The following COMMD1 variants were observed in gnomAD, a reference collection of about 807,000 sequenced individuals.
COMMD1 encodes copper metabolism domain containing 1.
Under a neutral mutation model 17.2 loss-of-function variants are expected in COMMD1, and 10 were observed. That is an observed-to-expected ratio of 0.58 (90% CI 0.36 to 0.99). The LOEUF is 0.99. COMMD1 is among the 50% of genes least tolerant of loss of function. COMMD1 has a pLI of 0.01. For synonymous variants in COMMD1, 97 were observed against 91.6 expected (o/e 1.06, Z -0.34); for missense variants, 270 against 231.8 (o/e 1.17, Z -1.07).
At chr2:62,116,101 C>G (rs1213094197) in intron 2 of COMMD1, among the ~76,000 whole-genome samples, 1 of 152,062 alleles carries the variant, frequency 6.6e-6, no homozygotes, top group African/African-American at 2.4e-5. Context: ...TCTGCCTTGG[C>G]CTTCCACAGT....
In COMMD1 at chr2:62,124,066, A is replaced by G. The variant is rs544591885; in HGVS notation, c.463-11765A>G. ...TGTAATCCCAGCACTTTGGGAGGCC[A>G]AGGTGGGCAGATCACAAGGTCAGGA... On this transcript the variant is annotated intron_variant, in intron 2 of 2. Coordinates refer to ENST00000311832, the MANE Select transcript of COMMD1 (RefSeq NM_152516.4). Among the ~76,000 whole-genome samples the G allele has an allele frequency of 2.7e-3, 418 of 152,256 alleles. 1 individual carries two copies. The highest frequency in any genetic ancestry group is 9.8e-3 in the African/African-American group (406 of 41,528).
intron 2 of COMMD1, among the ~76,000 whole-genome samples, chr2:62,102,591 C>T (rs1469962839): frequency 6.6e-6 from 1 of 152,082 alleles, no homozygotes; most frequent in African/African-American, 2.4e-5. Context: ...ACCTTCTGCC[C>T]CCTGCTCTCC....
intron 2 of COMMD1, among the ~76,000 whole-genome samples, chr2:62,065,202 T>C (rs1434261507): frequency 6.6e-6 from 1 of 152,074 alleles, no homozygotes; most frequent in Admixed American, 6.5e-5. Context: ...TGATATATTT[T>C]CCTGGGTAAG....
intron 2 of COMMD1, chr2:62,069,605 C>T (rs966143467): frequency 2.0e-5 from 3 of 152,118 alleles, no homozygotes; most frequent in South Asian, 4.2e-4. Flanking sequence ...AAATACGTAA[C>T]AATACGTATT....
intron 1 of COMMD1, among the ~76,000 whole-genome samples, chr2:61,994,278 G>A (rs1573044098): frequency 1.3e-5 from 2 of 152,132 alleles, no homozygotes; most frequent in Admixed American, 6.5e-5. Flanking sequence ...GAGCCACCAC[G>A]CCCAGCCTGT....
chr2:61,954,634 A>G (rs1306495302), intron 1 of COMMD1, among the ~76,000 whole-genome samples: 1 of 152,018 alleles, frequency 6.6e-6, no homozygotes. Context: ...GATAAAGGAT[A>G]GTATTACTCT....
chr2:62,008,525 C>G (rs1398148788), intron 2 of COMMD1, among the ~76,000 whole-genome samples: 1 of 152,114 alleles, frequency 6.6e-6, no homozygotes, highest in Non-Finnish European at 1.5e-5. Context: ...TTGTCTTACT[C>G]CAAATAGCTA....
At chr2:62,040,879 T>C (rs1670173647) in intron 2 of COMMD1, among the ~76,000 whole-genome samples, 1 of 152,128 alleles carries the variant, frequency 6.6e-6, no homozygotes, top group African/African-American at 2.4e-5. Flanking sequence ...CCTGGCTAGT[T>C]TTTGTACTTT....
At chr2:62,028,901 G>A (rs1319043884) in intron 2 of COMMD1, among the ~76,000 whole-genome samples, 2 of 152,090 alleles carry the variant, frequency 1.3e-5, no homozygotes, top group South Asian at 2.1e-4. Context: ...TCCCTAGGCT[G>A]CTTTTATCTA....
intron 1 of COMMD1, among the ~76,000 whole-genome samples, chr2:61,954,643 C>A (rs1275802370): frequency 6.6e-6 from 1 of 151,444 alleles, no homozygotes; most frequent in African/African-American, 2.4e-5. Flanking sequence ...TAGTATTACT[C>A]TAGAGGGCAG....
At chr2:61,973,976 A>C (rs974915479) in intron 1 of COMMD1, among the ~76,000 whole-genome samples, 2 of 152,154 alleles carry the variant, frequency 1.3e-5, no homozygotes, top group African/African-American at 2.4e-5. Flanking sequence ...CTGTTCTCAT[A>C]GATTAGTTTC....
At chr2:62,042,631 G>T (rs371944054) in intron 2 of COMMD1, among the ~76,000 whole-genome samples, 1 of 152,280 alleles carries the variant, frequency 6.6e-6, no homozygotes, top group South Asian at 2.1e-4. Flanking sequence ...CGAGCAGGGG[G>T]AGCCGGCTCT....
intron 1 of COMMD1, among the ~76,000 whole-genome samples, chr2:61,919,871 A>G (rs555546634): frequency 1.1e-4 from 16 of 152,238 alleles, no homozygotes; most frequent in African/African-American, 2.6e-4. Flanking sequence ...GCATGCCTAT[A>G]ATCCCAGCAC....
chr2:61,961,546 G>A (rs1671344381), intron 1 of COMMD1, among the ~76,000 whole-genome samples: 1 of 152,108 alleles, frequency 6.6e-6, no homozygotes, highest in Middle Eastern at 3.2e-3. Context: ...GTAAAAAATT[G>A]TGACTTTTTA....
chr2:62,117,434 G>A (rs1482730904), intron 2 of COMMD1, among the ~76,000 whole-genome samples: 1 of 152,170 alleles, frequency 6.6e-6, no homozygotes, highest in African/African-American at 2.4e-5. Context: ...TAATGATGGC[G>A]TTTATGTTCT....
intron 2 of COMMD1, among the ~76,000 whole-genome samples, chr2:62,130,092 G>A (rs1007339667): frequency 1.2e-4 from 18 of 151,010 alleles, no homozygotes; most frequent in East Asian, 3.9e-4. Flanking sequence ...GGAGAACGGC[G>A]TGAACCCGGG....
intron 2 of COMMD1, among the ~76,000 whole-genome samples, chr2:62,086,469 C>T (rs947387406): frequency 7.3e-5 from 11 of 151,404 alleles, no homozygotes; most frequent in Non-Finnish European, 1.5e-4. Context: ...AGAGATCGCG[C>T]CACTGCACTC....
At chr2:61,956,735 C>T (rs936344413) in intron 1 of COMMD1, among the ~76,000 whole-genome samples, 3 of 149,436 alleles carry the variant, frequency 2.0e-5, no homozygotes, top group Admixed American at 6.7e-5. Context: ...TGAAAGAAAG[C>T]GCATAGTTTT....
intron 1 of COMMD1, among the ~76,000 whole-genome samples, chr2:61,932,791 T>C (rs1406733852): frequency 1.3e-5 from 2 of 152,202 alleles, no homozygotes; most frequent in Admixed American, 6.5e-5. Context: ...AAATGAATGC[T>C]GGAAGCAGCC....
Sources: allele counts gnomAD v4.1 joint callset (sites outside exome capture counted in the v4.1 genomes callset), GRCh38; gene constraint gnomAD v4.1.1; transcripts MANE v1.5; gene names NCBI Gene and HGNC (gene_info 2026-07-23, HGNC 2026-07-21).